The following ABCA2 variants were observed in gnomAD, a reference collection of about 807,000 sequenced individuals.
The protein encoded by ABCA2 is ATP binding cassette subfamily A member 2.
A neutral mutation model predicts 262.8 loss-of-function variants in ABCA2; 84 were observed. The observed-to-expected ratio is 0.32, with a 90% CI of 0.27 to 0.38. ABCA2 has a LOEUF of 0.38. Ranked by LOEUF, ABCA2 falls within the 10% of genes least tolerant of loss-of-function variation. ABCA2 has a pLI of 1.00. For synonymous variants in ABCA2, 1,696 were observed against 1,502.9 expected, an observed-to-expected ratio of 1.13 and a Z score of -2.97; for missense variants, 2,662 against 3,405.9, an observed-to-expected ratio of 0.78 and a Z score of 5.44.
At chr9:137,008,119 C>T in intron 48 of ABCA2, 155 bp from the exon 49 acceptor site, 6 of 994,022 alleles carry the variant, frequency 6.0e-6, no homozygotes, top group Non-Finnish European at 8.9e-6. Context: ...TCTCCCGGGC[C>T]TCCGTCTGCC....
At chr9:137,008,649 AG>A (rs1423526982) in intron 47 of ABCA2, 27 bp from the exon 48 acceptor site, 1 of 675,372 alleles carries the variant, frequency 1.5e-6, no homozygotes, top group Admixed American at 5.1e-5. Context: ...GCGTGTGGGG[AG>A]GGGGCTGGTC....
chr9:137,012,455 A>G (rs771546105), intron 32 of ABCA2, 30 bp downstream of exon 32: 63 of 1,609,902 alleles, frequency 3.9e-5, no homozygotes, highest in Non-Finnish European at 5.1e-5. Flanking sequence ...CGCTACACAC[A>G]GCGGGGCCCA....
chr9:137,014,176 C>T lies in ABCA2; in HGVS notation c.4232G>A (p.Ser1411Asn). ...FDNPQDPDNV[S>N]LQEVEAEALS... ...CACCCTGCCACCCCCACCTTGCAGG[C>T]TGACATTGTCTGGGTCCTGTGGGTT... The change falls in exon 27 of 49, where the codon AGC (serine) becomes AAC (asparagine). Residue 1411 changes from serine (S) to asparagine (N), a missense_variant. Ser to Asn is a conservative substitution (Grantham distance 46). Transcript: ENST00000341511. 1.9e-6 allele frequency: 3 copies of T among 1,607,424 alleles called. No individual in the cohort carries two copies. In the South Asian group the frequency reaches 3.3e-5, roughly 18 times the overall value.
chr9:137,010,601 CTACATG>C lies in ABCA2; in HGVS notation c.6174+13_6174+18del. Reference sequence around the variant, plus strand: ...TGGCCTACCCCACCCAGGCCCCACCCTACATGCCCAGAGCCCACCTTGGTCAGGTTC... The same window carrying C: ...TGGCCTACCCCACCCAGGCCCCACCCCCCAGAGCCCACCTTGGTCAGGTTC... On this transcript the variant is annotated intron_variant, in intron 40 of 48. Transcript: ENST00000341511. 3.8e-6 allele frequency: 6 copies of C among 1,577,196 alleles called. No individual in the cohort carries two copies. The highest frequency in any genetic ancestry group is 5.2e-6 in the Non-Finnish European group (6 of 1,147,998).
At chr9:137,009,259 C>A (rs1408422749) in intron 45 of ABCA2, 111 bp downstream of exon 45, 2 of 999,840 alleles carry the variant, frequency 2.0e-6, no homozygotes, top group African/African-American at 1.6e-5. Context: ...CCCCCAGCCC[C>A]CCTGGCCCCA....
chr9:137,009,728 T>G (rs1360925469), intron 43 of ABCA2, 41 bp downstream of exon 43: 3 of 1,608,566 alleles, frequency 1.9e-6, no homozygotes. Context: ...CACCAGGAAG[T>G]CAAAGGCCAG....
chr9:137,023,113 T>G, intron 3 of ABCA2, 61 bp from the exon 4 acceptor site: 29 of 1,218,374 alleles, frequency 2.4e-5, no homozygotes, highest in Non-Finnish European at 2.9e-5. Flanking sequence ...GAGAGAGGAA[T>G]CCAGAAGGGG....
Position 137,021,165 on chromosome 9 carries a change from G to T in ABCA2, c.898-104C>A. On this transcript the variant is annotated intron_variant, in intron 8 of 48. Coordinates refer to ENST00000341511, the MANE Select transcript of ABCA2 (RefSeq NM_001606.5). This position sits in a 1 kb window ranked among gnomAD's most constrained non-coding sequence, Gnocchi z 6.0. ...GACAGCAGCAGGGAGACACAAGCTA[G>T]GGGTGCTGGGAGGGAGTCTGCAGCC... 7.0e-7 allele frequency: 1 copy of T among 1,420,570 alleles called. No individual in the cohort carries two copies. Among genetic ancestry groups the T allele is most frequent in the Non-Finnish European group, 9.2e-7 (1 of 1,084,694 alleles). 88.0% of individuals were successfully genotyped at this position (1,420,570 alleles called of 1,614,324 possible). A position where few individuals can be genotyped will look rare whatever the true frequency, so the allele number is the denominator to read the frequency against.
Position 137,010,364 on chromosome 9 carries a change from T to C in ABCA2, c.6182A>G (p.Lys2061Arg). The C allele has an allele frequency of 3.2e-6, 5 of 1,569,936 alleles. No homozygotes were observed. Among genetic ancestry groups the C allele is most frequent in the Non-Finnish European group, 4.3e-6 (5 of 1,158,042 alleles). Residue 2061 changes from lysine to arginine, a missense_variant, in exon 41 of 49, where the codon AAG (lysine) becomes AGG (arginine). This residue lies in a region of ABCA2 where 602 missense variants were observed against 897.4 expected (regional missense o/e 0.67). Transcript: ENST00000341511. ...CAGGATACGGCCAATCTTCCGGGACTTGTAGACCTGGCCAGGAGCCTGCCC... is the reference window on the plus strand; with the variant it reads ...CAGGATACGGCCAATCTTCCGGGACCTGTAGACCTGGCCAGGAGCCTGCCC... The part of the protein sequence containing the change: ...VKIENLTKVY[K>R]SRKIGRILAV...
At chr9:137,016,204 C>G in intron 21 of ABCA2, 30 bp from the exon 22 acceptor site, 1 of 1,611,522 alleles carries the variant, frequency 6.2e-7, no homozygotes, top group East Asian at 2.2e-5. Context: ...CATGACCCCA[C>G]GCCCTCTGCA....
chr9:137,017,707 G>A lies in ABCA2; in HGVS notation c.2212-15C>T, dbSNP rs780187974. The A allele has an allele frequency of 1.2e-6, 2 of 1,607,784 alleles. No homozygotes were observed. Among genetic ancestry groups the A allele is most frequent in the Non-Finnish European group, 1.7e-6 (2 of 1,175,994 alleles). On this transcript the variant is annotated splice_polypyrimidine_tract_variant and intron_variant, in intron 16 of 48. Transcript: ENST00000341511. Reference sequence around the variant, plus strand: ...GTCTTCATCACCTGCGGGTGGGCCAGGGGCTTGGGGCAGGCCCCGGGGAGG... The same window carrying A: ...GTCTTCATCACCTGCGGGTGGGCCAAGGGCTTGGGGCAGGCCCCGGGGAGG...
intron 13 of ABCA2, 67 bp downstream of exon 13, chr9:137,018,652 G>C: frequency 3.0e-6 from 4 of 1,353,986 alleles, no homozygotes; most frequent in Non-Finnish European, 4.0e-6. Flanking sequence ...ACAGGGGGAC[G>C]GGTGGGGCTG....
chr9:137,012,626 C>T (rs369388343), intron 31 of ABCA2, 36 bp from the exon 32 acceptor site: 1 of 1,610,174 alleles, frequency 6.2e-7, no homozygotes, highest in Non-Finnish European at 8.5e-7. Flanking sequence ...TGAGGCTAGG[C>T]AGGCAGTGAG....
chr9:137,008,702 G>A (rs1312450412), intron 47 of ABCA2, 29 bp downstream of exon 47: 3 of 1,566,636 alleles, frequency 1.9e-6, no homozygotes, highest in Non-Finnish European at 2.6e-6. Context: ...AGGGGCAGGT[G>A]TGGTGCGCAG....
rs532678340 is a variant in ABCA2, at chr9:137,025,727, CA to C, written c.67-1492del. Among the ~76,000 whole-genome samples, 433 of 152,322 alleles carry C rather than the reference CA, an allele frequency of 2.8e-3. 6 individuals are homozygous for C. The South Asian group carries it at 0.035, about 12-fold the overall frequency. ...AGGCAGGGGTCACAGCACGGGGCGC[CA>C]GCCCCGCCCACACCCGGCCTGCTAT... On this transcript the variant is annotated intron_variant, in intron 1 of 48. Transcript: ENST00000341511.
intron 13 of ABCA2, 122 bp downstream of exon 13, chr9:137,018,595 GGC>G (rs1481867072): frequency 1.3e-6 from 1 of 771,910 alleles, no homozygotes; most frequent in Non-Finnish European, 2.0e-6. Context: ...GAGGGGAAGT[GGC>G]GGGTGAGGGG....
chr9:137,021,247 C>A lies in ABCA2; in HGVS notation c.897+145G>T. 7.9e-7 allele frequency: 1 copy of A among 1,262,914 alleles called. No homozygotes were observed. The highest frequency in any genetic ancestry group is 1.1e-6 in the Non-Finnish European group (1 of 931,180). The allele number at this position is 1,262,914 out of a possible 1,614,324, so 78.2% of individuals were successfully genotyped here. On this transcript the variant is annotated intron_variant, in intron 8 of 48. Transcript: ENST00000341511. The surrounding 1 kb of genome is among the most constrained non-coding windows in gnomAD (Gnocchi z 6.0). ...ATGGTGAGCAGGAGTGGGGCACCAG[C>A]CATGGTGCCATTGGATACCCACCCA...
Position 137,021,715 on chromosome 9 carries a change from G to A in ABCA2, c.679-105C>T. 1 of 1,336,024 alleles carries A rather than the reference G, an allele frequency of 7.5e-7. No individual in the cohort carries two copies. Among genetic ancestry groups the A allele is most frequent in the South Asian group, 1.4e-5 (1 of 74,068 alleles). 82.8% of individuals were successfully genotyped at this position (1,336,024 alleles called of 1,614,324 possible). On this transcript the variant is annotated intron_variant, in intron 7 of 48. Coordinates refer to ENST00000341511, the MANE Select transcript of ABCA2 (RefSeq NM_001606.5). This position sits in a 1 kb window ranked among gnomAD's most constrained non-coding sequence, Gnocchi z 6.0. The stretch of plus-strand genomic sequence containing the variant: ...CCACCCACTGGCTGGCTCTGGGGCT[G>A]CCTGGGTCCCACGACATGCCTCTAC...
chr9:137,028,451 C>T (rs1414348784), upstream of ABCA2, among the ~76,000 whole-genome samples: 1 of 150,168 alleles, frequency 6.7e-6, no homozygotes, highest in Non-Finnish European at 1.5e-5. This position sits in a 1 kb window ranked among gnomAD's most constrained non-coding sequence, Gnocchi z 6.9. Flanking sequence ...GCCTCCGGGC[C>T]GCCCCTCGCC....
Sources: gnomAD v4.1 joint callset for allele counts (sites outside exome capture counted in the v4.1 genomes callset) on GRCh38, gnomAD v4.1.1 for gene constraint, gnomAD v4.1.1 regional missense constraint, Gnocchi (gnomAD v3.1) non-coding constraint, MANE v1.5 for transcripts, NCBI Gene and HGNC (gene_info 2026-07-23, HGNC 2026-07-21) for gene names.